Variants in DAB1 observed in about 807,000 individuals in gnomAD.
DAB1 encodes the protein disabled homolog 1.
A neutral mutation model predicts 64.6 loss-of-function variants in DAB1; 15 were observed. The ratio of observed to expected loss-of-function variants is 0.23; its 90% confidence interval spans 0.16 to 0.36. DAB1 has a LOEUF of 0.36. Ranked by LOEUF, DAB1 falls within the 10% of genes least tolerant of loss-of-function variation. The pLI, the probability that DAB1 is intolerant of heterozygous loss-of-function variation, is 1.00. For synonymous variants in DAB1, 235 were observed against 251.9 expected, an observed-to-expected ratio of 0.93 and a Z score of 0.64; for missense variants, 596 against 706.7, an observed-to-expected ratio of 0.84 and a Z score of 1.78.
intron 6 of DAB1, among the ~76,000 whole-genome samples, chr1:57,726,843 T>C (rs899235239): frequency 6.6e-6 from 1 of 152,200 alleles, no homozygotes; most frequent in African/African-American, 2.4e-5. Context: ...TACTGTAAAC[T>C]ACCTCTGATG....
chr1:58,148,181 CT>C (rs1654717998), intron 5 of DAB1, among the ~76,000 whole-genome samples: 1 of 152,156 alleles, frequency 6.6e-6, no homozygotes, highest in Admixed American at 6.5e-5. Context: ...CTGCAACCCC[CT>C]CACCATCACT....
At chr1:58,380,271 A>C (rs533709731) in intron 3 of DAB1, among the ~76,000 whole-genome samples, 7 of 152,288 alleles carry the variant, frequency 4.6e-5, no homozygotes, top group Non-Finnish European at 7.4e-5. Flanking sequence ...GAGCTCTCAT[A>C]AGATCAGATG....
rs139479831 is a variant in DAB1 at position 58,439,786 on chromosome 1, G to A, written n.257+66274C>T. Among the ~76,000 whole-genome samples the A allele has an allele frequency of 8.0e-3, 1,215 of 152,274 alleles. 21 individuals are homozygous for A. Among genetic ancestry groups the A allele is most frequent in the African/African-American group, 0.028 (1,159 of 41,556 alleles). On this transcript the variant is annotated intron_variant and non_coding_transcript_variant, in intron 3 of 20. Transcript: ENST00000485760. The stretch of plus-strand genomic sequence containing the variant: ...GTGGATTCTTAAACAATATGTTGAG[G>A]CCCGTCTGTATAAAGCATTCAAAAG...
intron 2 of DAB1, among the ~76,000 whole-genome samples, chr1:57,281,179 T>C (rs1289692221): frequency 1.3e-5 from 2 of 152,182 alleles, no homozygotes; most frequent in Non-Finnish European, 2.9e-5. Flanking sequence ...ACACAGTCCC[T>C]GTCCTCACAG....
intron 1 of DAB1, among the ~76,000 whole-genome samples, chr1:57,827,780 G>A (rs1652416010): frequency 6.6e-6 from 1 of 152,174 alleles, no homozygotes; most frequent in Non-Finnish European, 1.5e-5. Flanking sequence ...GTATCACAAA[G>A]GCGGCACTGG....
intron 5 of DAB1, among the ~76,000 whole-genome samples, chr1:58,091,572 G>C (rs1188101965): frequency 6.6e-6 from 1 of 152,130 alleles, no homozygotes; most frequent in Non-Finnish European, 1.5e-5. Flanking sequence ...CAAGATCACA[G>C]AGATGGCAAA....
At chr1:57,708,798 T>A (rs1460886349) in intron 6 of DAB1, among the ~76,000 whole-genome samples, 1 of 152,118 alleles carries the variant, frequency 6.6e-6, no homozygotes, top group Non-Finnish European at 1.5e-5. Flanking sequence ...CTGCTTGGGT[T>A]TGAGGGAGGG....
chr1:57,194,051 T>G (rs919934070), intron 2 of DAB1, among the ~76,000 whole-genome samples: 1 of 152,208 alleles, frequency 6.6e-6, no homozygotes, highest in Non-Finnish European at 1.5e-5. Flanking sequence ...TCAATGTTTG[T>G]CCTAGCTCAA....
chr1:58,330,360 A>C (rs1662941336), intron 4 of DAB1, among the ~76,000 whole-genome samples: 2 of 152,242 alleles, frequency 1.3e-5, no homozygotes, highest in African/African-American at 2.4e-5. Context: ...TGTTTAAGAA[A>C]AGAAGTTGTC....
intron 1 of DAB1, among the ~76,000 whole-genome samples, chr1:57,325,093 C>T (rs1361567534): frequency 1.3e-5 from 2 of 152,204 alleles, no homozygotes; most frequent in African/African-American, 4.8e-5. Flanking sequence ...TTGATTTTTG[C>T]TTTTACTTTG....
intron 1 of DAB1, among the ~76,000 whole-genome samples, chr1:57,371,811 CA>C (rs1169105814): frequency 6.6e-6 from 1 of 152,220 alleles, no homozygotes; most frequent in Non-Finnish European, 1.5e-5. Context: ...GGCTACTTTA[CA>C]CCCCAGGGGA....
chr1:57,056,507 AAAAAAAAAAAAAAG>A (rs1343995209), intron 9 of DAB1, among the ~76,000 whole-genome samples: 3 of 143,304 alleles, frequency 2.1e-5, no homozygotes, highest in African/African-American at 5.7e-5. Flanking sequence ...CCTGTCTCAA[AAAAAAAAAAAAAAG>A]AAAAAAAAGA....
intron 5 of DAB1, among the ~76,000 whole-genome samples, chr1:58,145,979 T>C (rs181004632): frequency 6.6e-6 from 1 of 152,318 alleles, no homozygotes; most frequent in Admixed American, 6.5e-5. Flanking sequence ...GAAAACAGCA[T>C]GAAGACCTTT....
intron 6 of DAB1, among the ~76,000 whole-genome samples, chr1:57,770,316 G>A (rs958836830): frequency 2.0e-5 from 3 of 152,174 alleles, no homozygotes; most frequent in Non-Finnish European, 4.4e-5. Flanking sequence ...CATCCAGGCT[G>A]GAGTGCAGTG....
chr1:57,774,556 C>T (rs368363305), intron 6 of DAB1, among the ~76,000 whole-genome samples: 35 of 151,866 alleles, frequency 2.3e-4, no homozygotes, highest in African/African-American at 8.2e-4. Context: ...CATAGATGCC[C>T]TTTATTAGCT....
At chr1:57,434,888 G>A (rs1008001611) in intron 7 of DAB1, among the ~76,000 whole-genome samples, 1 of 152,018 alleles carries the variant, frequency 6.6e-6, no homozygotes, top group Non-Finnish European at 1.5e-5. Context: ...GGAGATTTTA[G>A]GACTGGAAAT....
At chr1:57,667,247 C>CAGCCCA (rs1372145416) in intron 6 of DAB1, among the ~76,000 whole-genome samples, 1 of 152,114 alleles carries the variant, frequency 6.6e-6, no homozygotes, top group African/African-American at 2.4e-5. Flanking sequence ...TGAAAGATTG[C>CAGCCCA]AGCCCACATT....
intron 6 of DAB1, among the ~76,000 whole-genome samples, chr1:57,716,669 C>T (rs2101752242): frequency 6.6e-6 from 1 of 152,190 alleles, no homozygotes; most frequent in South Asian, 2.1e-4. Flanking sequence ...TAAAATCAAA[C>T]AGGGCAAGGA....
At chr1:57,744,750 G>A (rs190694787) in intron 6 of DAB1, among the ~76,000 whole-genome samples, 1 of 152,300 alleles carries the variant, frequency 6.6e-6, no homozygotes, top group Non-Finnish European at 1.5e-5. Context: ...CCACTGGCAG[G>A]TGTGAGGCGT....
Sources: gnomAD v4.1 joint callset for allele counts (sites outside exome capture counted in the v4.1 genomes callset) on GRCh38, gnomAD v4.1.1 for gene constraint, MANE v1.5 for transcripts, NCBI Gene and HGNC (gene_info 2026-07-23, HGNC 2026-07-21) for gene names.